TEX11: variants seen among roughly 807,000 people sequenced by gnomAD.
TEX11 encodes testis expressed 11, also known as testis-expressed protein 11.
In TEX11, 7 loss-of-function variants were observed where a neutral mutation model predicts 84.4. The ratio of observed to expected loss-of-function variants is 0.08; its 90% CI spans 0.05 to 0.16. The LOEUF (loss-of-function observed/expected upper bound fraction) is 0.16. Ranked by LOEUF, TEX11 falls within the 10% of genes least tolerant of loss-of-function variation. The pLI, the probability that TEX11 is intolerant of heterozygous loss-of-function variation, is 1.00. For missense variants in TEX11, 551 were observed against 660.5 expected, an observed-to-expected ratio of 0.83 and a Z score of 1.82; for synonymous variants, 264 against 222.8, an observed-to-expected ratio of 1.18 and a Z score of -1.64.
chrX:70,627,489 G>A (rs757744943), intron 18 of TEX11, among the ~76,000 whole-genome samples: 2 of 111,910 alleles, frequency 1.8e-5, no homozygotes, highest in Admixed American at 1.9e-4. Context: ...ACTATGTGGT[G>A]TGATTCCTGG....
At chrX:70,566,714 T>G (rs1603075741) in intron 25 of TEX11, among the ~76,000 whole-genome samples, 1 of 111,770 alleles carries the variant, frequency 8.9e-6, no homozygotes, top group African/African-American at 3.3e-5. Context: ...ATTTATTGAT[T>G]TGCATATATT....
At chrX:70,594,833 C>A (rs1373518916) in intron 24 of TEX11, among the ~76,000 whole-genome samples, 1 of 111,195 alleles carries the variant, frequency 9.0e-6, no homozygotes, top group African/African-American at 3.3e-5. Context: ...TTCCTGCTAC[C>A]CTGTGAAGAG....
At chrX:70,888,571 C>G (rs1226541610) in intron 2 of TEX11, among the ~76,000 whole-genome samples, 1 of 111,205 alleles carries the variant, frequency 9.0e-6, no homozygotes, top group Non-Finnish European at 1.9e-5. Context: ...TGAAGCACAC[C>G]TGCAGGATCT....
In TEX11 at chrX:70,808,815, A is replaced by T. The variant is rs934436433; in HGVS notation, c.607-2025T>A. On this transcript the variant is annotated intron_variant, in intron 8 of 29. Coordinates refer to ENST00000374333, the MANE Select transcript of TEX11 (RefSeq NM_031276.3). ...AGAATCTAACTGATGTTTTCAAAAT[A>T]CTCAGGAAAAATTATTTCCAAGTCC... 5.4e-5 allele frequency among the ~76,000 whole-genome samples: 6 copies of T among 111,609 alleles called. No homozygotes were observed. In the Admixed American group the frequency reaches 5.8e-4, roughly 11 times the overall value.
chrX:70,764,399 T>C (rs748568264), intron 9 of TEX11, among the ~76,000 whole-genome samples: 15 of 110,981 alleles, frequency 1.4e-4, no homozygotes, highest in African/African-American at 4.6e-4. Flanking sequence ...ATAAACAACC[T>C]AACAATACAC....
At chrX:70,858,232 G>A (rs942921607) in intron 5 of TEX11, among the ~76,000 whole-genome samples, 8 of 109,041 alleles carry the variant, frequency 7.3e-5, no homozygotes, top group East Asian at 5.8e-4. Flanking sequence ...GGTAGATCAC[G>A]AGGTCAGGAG....
chrX:70,840,480 C>T (rs866507657), intron 7 of TEX11, among the ~76,000 whole-genome samples: 12 of 111,615 alleles, frequency 1.1e-4, no homozygotes, highest in Non-Finnish European at 1.9e-4. Flanking sequence ...CTGAAGGAAG[C>T]GCTAAACATG....
chrX:70,850,736 C>A (rs775900541), intron 7 of TEX11, among the ~76,000 whole-genome samples: 1 of 109,477 alleles, frequency 9.1e-6, no homozygotes, highest in African/African-American at 3.3e-5. Context: ...GCCTGGGCAA[C>A]AAAGCAAGAT....
intron 2 of TEX11, among the ~76,000 whole-genome samples, chrX:70,888,462 C>T (rs1355886674): frequency 8.9e-6 from 1 of 111,875 alleles, no homozygotes; most frequent in African/African-American, 3.2e-5. Flanking sequence ...CCTTTAATAG[C>T]AAAATTGATC....
At chrX:70,676,615 C>A (rs2090074084) in intron 15 of TEX11, among the ~76,000 whole-genome samples, 1 of 111,435 alleles carries the variant, frequency 9.0e-6, no homozygotes, top group Non-Finnish European at 1.9e-5. Context: ...TAAGATTTTT[C>A]TATCTATCTG....
At chrX:70,619,019 C>A (rs1219298784) in intron 20 of TEX11, among the ~76,000 whole-genome samples, 1 of 111,340 alleles carries the variant, frequency 9.0e-6, no homozygotes, top group Non-Finnish European at 1.9e-5. Context: ...TCTGCTGAGT[C>A]TGAGGAAGAG....
At chrX:70,744,064 C>A in intron 10 of TEX11, 101 bp downstream of exon 10, 2 of 358,748 alleles carry the variant, frequency 5.6e-6, no homozygotes, top group Non-Finnish European at 8.6e-6. Flanking sequence ...TGCCCAATAG[C>A]TAATCTACTC....
chrX:70,674,771 C>T (rs1165510934), intron 15 of TEX11, among the ~76,000 whole-genome samples: 1 of 111,238 alleles, frequency 9.0e-6, no homozygotes, highest in Non-Finnish European at 1.9e-5. Flanking sequence ...TGCCTTTTCA[C>T]TGGGGTCTTG....
At chrX:70,608,765 T>C (rs907920930) in intron 22 of TEX11, among the ~76,000 whole-genome samples, 4 of 106,320 alleles carry the variant, frequency 3.8e-5, no homozygotes, top group Non-Finnish European at 7.7e-5. Context: ...AAAAATTAAG[T>C]ATTCTAAACC....
intron 11 of TEX11, among the ~76,000 whole-genome samples, chrX:70,735,788 G>A (rs1393051937): frequency 3.6e-5 from 4 of 111,704 alleles, no homozygotes; most frequent in African/African-American, 9.8e-5. Context: ...AAAACAAGTC[G>A]GAGGGCCATA....
intron 9 of TEX11, among the ~76,000 whole-genome samples, chrX:70,752,854 C>A (rs1029655586): frequency 9.0e-6 from 1 of 110,797 alleles, no homozygotes; most frequent in Non-Finnish European, 1.9e-5. Context: ...CTTTTCCCGT[C>A]CCCTGGCAGT....
At chrX:70,881,621 CT>C (rs1275325227) in intron 2 of TEX11, among the ~76,000 whole-genome samples, 2 of 111,029 alleles carry the variant, frequency 1.8e-5, no homozygotes, top group Admixed American at 9.7e-5. Flanking sequence ...TAAACAAATG[CT>C]TGAGGTGATG....
intron 9 of TEX11, among the ~76,000 whole-genome samples, chrX:70,771,898 C>T (rs753544441): frequency 3.6e-5 from 4 of 111,777 alleles, no homozygotes; most frequent in South Asian, 7.5e-4. Flanking sequence ...CCAGGCGTGT[C>T]CCAGTTATGG....
chrX:70,813,379 C>T (rs2091268465), intron 8 of TEX11, among the ~76,000 whole-genome samples: 1 of 111,521 alleles, frequency 9.0e-6, no homozygotes, highest in African/African-American at 3.3e-5. Flanking sequence ...GCAGAAAAGG[C>T]CTTTGACAAA....
Sources: gnomAD v4.1 joint callset for allele counts (sites outside exome capture counted in the v4.1 genomes callset) on GRCh38, gnomAD v4.1.1 for gene constraint, MANE v1.5 for transcripts, NCBI Gene and HGNC (gene_info 2026-07-23, HGNC 2026-07-21) for gene names.